PIN1: variants seen among roughly 807,000 people sequenced by gnomAD.
The protein encoded by PIN1 is peptidyl-prolyl cis-trans isomerase NIMA-interacting 1.
Under a neutral mutation model 19.9 loss-of-function variants are expected in PIN1, and 8 were observed. The ratio of observed to expected loss-of-function variants is 0.40; its 90% CI spans 0.24 to 0.72. The LOEUF (loss-of-function observed/expected upper bound fraction) is 0.72, where lower values mean the gene tolerates loss of function less well. Among genes scored for constraint, PIN1 ranks in the 30% least tolerant of loss-of-function variants. PIN1 has a pLI of 0.37. For missense variants in PIN1, 185 were observed against 226.5 expected (o/e 0.82, Z 1.18); for synonymous variants, 86 against 90.8 (o/e 0.95, Z 0.30).
At chr19:9,840,730 G>T (rs1490569991) in intron 2 of PIN1, among the ~76,000 whole-genome samples, 1 of 152,110 alleles carries the variant, frequency 6.6e-6, no homozygotes, top group Non-Finnish European at 1.5e-5. Context: ...CCAAGTAGCT[G>T]GGACTGCAGG....
At chr19:9,843,715 G>A (rs1167626670) in intron 2 of PIN1, among the ~76,000 whole-genome samples, 3 of 152,106 alleles carry the variant, frequency 2.0e-5, no homozygotes, top group East Asian at 1.9e-4. Context: ...GCATGTGCAC[G>A]GAGTGAAGGA....
intron 2 of PIN1, among the ~76,000 whole-genome samples, chr19:9,842,679 CAG>C (rs2046179679): frequency 6.6e-6 from 1 of 152,242 alleles, no homozygotes; most frequent in Admixed American, 6.5e-5. Flanking sequence ...CAGATCTCCT[CAG>C]AGGTCGATAG....
In PIN1 at chr19:9,838,209, G is replaced by A. The variant is rs2145409232; in HGVS notation, c.59-227G>A. ...ATCCTGTGTTTCATTTGCTTGTTTAGCACCTGTCTGCTCTCACCTAGAATG... is the reference window on the plus strand; with the variant it reads ...ATCCTGTGTTTCATTTGCTTGTTTAACACCTGTCTGCTCTCACCTAGAATG... On this transcript the variant is annotated intron_variant, in intron 1 of 3. Transcript: ENST00000247970. The surrounding 1 kb of genome is among the most constrained non-coding windows in gnomAD (Gnocchi z 5.8). 3 of 603,988 alleles carry A rather than the reference G, an allele frequency of 5.0e-6. No homozygotes were observed. The East Asian group carries it at 8.5e-5, about 17-fold the overall frequency. The allele number at this position is 603,988 out of a possible 1,614,324, so 37.4% of individuals were successfully genotyped here.
chr19:9,839,803 C>A (rs2046146376), intron 2 of PIN1, among the ~76,000 whole-genome samples: 1 of 152,072 alleles, frequency 6.6e-6, no homozygotes, highest in South Asian at 2.1e-4. Flanking sequence ...GAGTTTGAGA[C>A]CAGCTTGGGC....
intron 1 of PIN1, chr19:9,836,076 A>G (rs1386896716): frequency 1.3e-5 from 2 of 152,216 alleles, no homozygotes; most frequent in African/African-American, 2.4e-5. Context: ...GAACTCGTCC[A>G]AGATCATTCA....
At chr19:9,844,064 C>A (rs1476016821) in intron 2 of PIN1, among the ~76,000 whole-genome samples, 1 of 152,020 alleles carries the variant, frequency 6.6e-6, no homozygotes, top group Non-Finnish European at 1.5e-5. Context: ...AAAAAAGGGG[C>A]GCTAATCCTG....
chr19:9,837,241 C>T, intron 1 of PIN1: 1 of 182,350 alleles, frequency 5.5e-6, no homozygotes, highest in Non-Finnish European at 1.2e-5. Context: ...GCAACCTCTG[C>T]CTCCCGGGTT....
chr19:9,835,533 G>A, intron 1 of PIN1, 131 bp downstream of exon 1: 1 of 671,338 alleles, frequency 1.5e-6, no homozygotes, highest in East Asian at 3.4e-5. Flanking sequence ...TCGTCCCCGG[G>A]GTAACGGCCC....
intron 1 of PIN1, chr19:9,837,602 C>T (rs1203191707): frequency 6.5e-6 from 1 of 154,428 alleles, no homozygotes; most frequent in African/African-American, 2.4e-5. Context: ...GCTGGGATTA[C>T]AGACATACAC....
At chr19:9,845,602 C>G (rs2046213599) in intron 2 of PIN1, among the ~76,000 whole-genome samples, 1 of 152,116 alleles carries the variant, frequency 6.6e-6, no homozygotes, top group Non-Finnish European at 1.5e-5. Flanking sequence ...AAAGTGCGAC[C>G]CCATCTCTGC....
At chr19:9,840,126 C>T (rs1315950213) in intron 2 of PIN1, among the ~76,000 whole-genome samples, 1 of 152,342 alleles carries the variant, frequency 6.6e-6, no homozygotes, top group South Asian at 2.1e-4. Context: ...CGGTGGCTCA[C>T]GTCTGTAATT....
Position 9,846,458 on chromosome 19 carries a change from C to T in PIN1, c.272-1572C>T, listed in dbSNP as rs1398093933. On this transcript the variant is annotated intron_variant, in intron 2 of 3. Coordinates refer to ENST00000247970, the MANE Select transcript of PIN1 (RefSeq NM_006221.4). The surrounding 1 kb of genome is among the most constrained non-coding windows in gnomAD (Gnocchi z 5.9). ...GTCAGGCGGAGGGGCACAGGGATGT[C>T]AGGGCAGCAGGTCGTGGTGACATCC... is the stretch of plus-strand genomic sequence containing the variant. 6.6e-6 allele frequency among the ~76,000 whole-genome samples: 1 copy of T among 152,192 alleles called. No homozygotes were observed. The highest frequency in any genetic ancestry group is 1.5e-5 in the Non-Finnish European group (1 of 68,028).
At chr19:9,848,844 G>A (rs189430739) in intron 3 of PIN1, among the ~76,000 whole-genome samples, 56 of 152,256 alleles carry the variant, frequency 3.7e-4, no homozygotes, top group African/African-American at 1.2e-3. Context: ...GCACGGCGGC[G>A]GCCGTAGCCC....
At chr19:9,840,156 A>T (rs945357791) in intron 2 of PIN1, among the ~76,000 whole-genome samples, 1 of 152,208 alleles carries the variant, frequency 6.6e-6, no homozygotes, top group African/African-American at 2.4e-5. Context: ...TGGGAGGCCA[A>T]GGTGGGTGGA....
At chr19:9,843,162 A>C (rs1488452702) in intron 2 of PIN1, among the ~76,000 whole-genome samples, 1 of 152,330 alleles carries the variant, frequency 6.6e-6, no homozygotes, top group East Asian at 1.9e-4. Flanking sequence ...CAGGGCCTGG[A>C]GGGTCCCAGC....
In PIN1 at chr19:9,848,018, C is replaced by T. The variant is rs1419421707; in HGVS notation, c.272-12C>T. The T allele has an allele frequency of 6.4e-7, 1 of 1,566,894 alleles. No individual in the cohort carries two copies. The highest frequency in any genetic ancestry group is 1.7e-5 in the Admixed American group (1 of 59,920). On this transcript the variant is annotated splice_polypyrimidine_tract_variant and intron_variant, in intron 2 of 3. Transcript: ENST00000247970. ...CCTGACCTGGCACTCCCATTCCGTTCCATGTCCACAGGCTACATCCAGAAG... is the reference window on the plus strand; with the variant it reads ...CCTGACCTGGCACTCCCATTCCGTTTCATGTCCACAGGCTACATCCAGAAG...
Position 9,849,218 on chromosome 19 carries a change from T to C in PIN1, c.*19T>C. The stretch of plus-strand genomic sequence containing the variant: ...TGAGTGAGGGTGGGGAGCCCAGGCC[T>C]GGCCTCGGGGCAGGGCAGGGCGGCT... On this transcript the variant is annotated 3_prime_UTR_variant, in exon 4 of 4. Transcript: ENST00000247970. 1 of 1,562,066 alleles carries C rather than the reference T, an allele frequency of 6.4e-7. No homozygotes were observed. The highest frequency in any genetic ancestry group is 8.8e-7 in the Non-Finnish European group (1 of 1,138,836).
chr19:9,848,989 G>T (rs1026604164), intron 3 of PIN1, 101 bp from the exon 4 acceptor site: 2 of 722,870 alleles, frequency 2.8e-6, no homozygotes, highest in Non-Finnish European at 2.5e-6. Context: ...GAGGCTCAGC[G>T]CAGGCAGGAG....
Position 9,849,071 on chromosome 19 carries a change from C to T in PIN1, c.383-19C>T, listed in dbSNP as rs756566293. 1.5e-5 allele frequency: 23 copies of T among 1,573,996 alleles called. No individual in the cohort carries two copies. Among genetic ancestry groups the T allele is most frequent in the East Asian group, 2.2e-5 (1 of 44,606 alleles). ...GCCAGCCCAGCCCTGACACCCCCAC[C>T]GCCCCTCCTGGCTCCCAGGTCAGAT... On this transcript the variant is annotated intron_variant, in intron 3 of 3. Transcript: ENST00000247970.
Sources: gnomAD v4.1 joint callset for allele counts (sites outside exome capture counted in the v4.1 genomes callset) on GRCh38, gnomAD v4.1.1 for gene constraint, Gnocchi (gnomAD v3.1) non-coding constraint, MANE v1.5 for transcripts, NCBI Gene and HGNC (gene_info 2026-07-23, HGNC 2026-07-21) for gene names.